Variants in BTBD7 observed in about 807,000 individuals in gnomAD.
The protein encoded by BTBD7 is BTB/POZ domain-containing protein 7.
In BTBD7, 38 loss-of-function variants were observed where a neutral mutation model predicts 99.9. That is an observed-to-expected ratio of 0.38 (90% CI 0.29 to 0.50). BTBD7 has a LOEUF of 0.50. Ranked by LOEUF, BTBD7 falls within the 20% of genes least tolerant of loss-of-function variation. BTBD7 has a pLI of 0.93. For missense variants in BTBD7, 1,170 were observed against 1,394.6 expected, an observed-to-expected ratio of 0.84 and a Z score of 2.57; for synonymous variants, 520 against 511.4, an observed-to-expected ratio of 1.02 and a Z score of -0.23.
chr14:93,320,692 G>A (rs1235369906), intron 1 of BTBD7, among the ~76,000 whole-genome samples: 3 of 152,042 alleles, frequency 2.0e-5, no homozygotes, highest in African/African-American at 7.2e-5. Context: ...TGAACACAAT[G>A]TGCATGCCTT....
intron 8 of BTBD7, among the ~76,000 whole-genome samples, chr14:93,249,492 A>C (rs2052348500): frequency 6.6e-6 from 1 of 152,224 alleles, no homozygotes; most frequent in South Asian, 2.1e-4. Flanking sequence ...TCACTTTTGC[A>C]GGAGGATGAC....
intron 5 of BTBD7, 106 bp downstream of exon 5, chr14:93,261,496 A>G: frequency 1.1e-6 from 1 of 875,884 alleles, no homozygotes; most frequent in Non-Finnish European, 1.9e-6. Context: ...CATTTTCACC[A>G]GGCAACAGTG....
intron 8 of BTBD7, among the ~76,000 whole-genome samples, chr14:93,250,769 A>G (rs1465283061): frequency 1.3e-5 from 2 of 152,216 alleles, no homozygotes; most frequent in East Asian, 3.8e-4. Flanking sequence ...TCGATAGCCA[A>G]TTCCCCTAAA....
chr14:93,296,033 T>G lies in BTBD7; in HGVS notation c.19A>C (p.Asn7His), dbSNP rs748076410. The change falls in exon 2 of 11, where the codon AAT becomes CAT. Residue 7 changes from asparagine to histidine, a missense_variant. By Grantham distance (68) the Asn-to-His change is moderately conservative. Transcript: ENST00000334746. Reference protein sequence around the residue: MGANASNYPHSCSPRVG... With the variant: MGANASHYPHSCSPRVG... ...CTCGGGGAACATGAATGAGGATAATTAGATGCATTAGCACCCATTTTCTTC... is the reference window on the plus strand; with the variant it reads ...CTCGGGGAACATGAATGAGGATAATGAGATGCATTAGCACCCATTTTCTTC... 1 of 1,614,008 alleles carries G rather than the reference T, an allele frequency of 6.2e-7. No homozygotes were observed. The highest frequency in any genetic ancestry group is 1.3e-5 in the African/African-American group (1 of 75,028).
chr14:93,251,445 C>A lies in BTBD7; in HGVS notation c.1942+18G>T. The A allele has an allele frequency of 6.4e-7, 1 of 1,564,844 alleles. No individual in the cohort carries two copies. The highest frequency in any genetic ancestry group is 8.7e-7 in the Non-Finnish European group (1 of 1,146,698). Reference sequence around the variant, plus strand: ...TAAATTATTCATTTAAATATAAACACCCAACATACTGCCTTACCTGGAATT... The same window carrying A: ...TAAATTATTCATTTAAATATAAACAACCAACATACTGCCTTACCTGGAATT... On this transcript the variant is annotated intron_variant, in intron 8 of 10. Coordinates refer to ENST00000334746, the MANE Select transcript of BTBD7 (RefSeq NM_001002860.4).
At chr14:93,308,805 T>C (rs1435121740) in intron 1 of BTBD7, among the ~76,000 whole-genome samples, 2 of 152,160 alleles carry the variant, frequency 1.3e-5, no homozygotes, top group East Asian at 1.9e-4. Context: ...ATCAAATTCA[T>C]AGAGACAGAA....
At chr14:93,331,356 C>G (rs1366225993) in intron 1 of BTBD7, among the ~76,000 whole-genome samples, 3 of 152,192 alleles carry the variant, frequency 2.0e-5, no homozygotes, top group Non-Finnish European at 2.9e-5. Context: ...GGATCCACAA[C>G]AAGTCACTCG....
chr14:93,309,673 C>T (rs1043804094), intron 1 of BTBD7, among the ~76,000 whole-genome samples: 53 of 152,176 alleles, frequency 3.5e-4, no homozygotes, highest in African/African-American at 1.3e-3. Flanking sequence ...GGTAAAGGGA[C>T]AGATCTTAAT....
At chr14:93,316,972 TAA>T (rs1398103116) in intron 1 of BTBD7, among the ~76,000 whole-genome samples, 4 of 152,214 alleles carry the variant, frequency 2.6e-5, no homozygotes, top group Non-Finnish European at 4.4e-5. Flanking sequence ...GTGAAAAGGC[TAA>T]GAGTCCTGTA....
chr14:93,305,962 C>T (rs1344098245), intron 1 of BTBD7, among the ~76,000 whole-genome samples: 1 of 152,152 alleles, frequency 6.6e-6, no homozygotes, highest in Non-Finnish European at 1.5e-5. Context: ...GTGGCCCCAC[C>T]CTGATGATTT....
At chr14:93,327,087 G>C (rs1013642568) in intron 1 of BTBD7, among the ~76,000 whole-genome samples, 4 of 152,220 alleles carry the variant, frequency 2.6e-5, no homozygotes, top group Non-Finnish European at 5.9e-5. Flanking sequence ...CTGGAGCCCA[G>C]GAGGCCAAGG....
Position 93,296,067 on chromosome 14 carries a change from A to G in BTBD7, c.-16T>C. ...TAGCACCCATTTTCTTCAGTCACTCAGGCATTCCGTCTGCGGGTTCTTCAG... is the reference window on the plus strand; with the variant it reads ...TAGCACCCATTTTCTTCAGTCACTCGGGCATTCCGTCTGCGGGTTCTTCAG... On this transcript the variant is annotated 5_prime_UTR_variant, in exon 2 of 11. Transcript: ENST00000334746. 1.2e-6 allele frequency: 2 copies of G among 1,612,560 alleles called. No homozygotes were observed. Among genetic ancestry groups the G allele is most frequent in the Non-Finnish European group, 8.5e-7 (1 of 1,179,350 alleles).
chr14:93,239,841 A>ATG lies in BTBD7; in HGVS notation c.*2430_*2431dup, dbSNP rs1343633674. The ATG allele has an allele frequency of 6.6e-6, 1 of 152,468 alleles. No individual in the cohort carries two copies. Among genetic ancestry groups the ATG allele is most frequent in the Non-Finnish European group, 1.5e-5 (1 of 68,022 alleles). The allele number at this position is 152,468 out of a possible 1,614,324, so 9.4% of individuals were successfully genotyped here. On this transcript the variant is annotated 3_prime_UTR_variant, in exon 11 of 11. Transcript: ENST00000334746. ...AGTTCATGAATTTTCAGAAAAATGA[A>ATG]TGTGTGGGATCAACAGCTCTGGTCT... is the stretch of plus-strand genomic sequence containing the variant.
rs74714440 is a variant in BTBD7, at chr14:93,239,341, C to T, written c.*2932G>A. On this transcript the variant is annotated 3_prime_UTR_variant, in exon 11 of 11. Transcript: ENST00000334746. ...GATTGTCCAAAGGCCTGATTGTCCACGATCTCAAAAGGAGATCTGGTATTT... is the reference window on the plus strand; with the variant it reads ...GATTGTCCAAAGGCCTGATTGTCCATGATCTCAAAAGGAGATCTGGTATTT... 0.02 allele frequency: 3,027 copies of T among 152,546 alleles called. 54 individuals carry two copies. Among genetic ancestry groups the T allele is most frequent in the South Asian group, 0.077 (370 of 4,822 alleles). 9.4% of individuals were successfully genotyped at this position (152,546 alleles called of 1,614,324 possible). A position where few individuals can be genotyped will look rare whatever the true frequency, so the allele number is the denominator to read the frequency against.
intron 1 of BTBD7, among the ~76,000 whole-genome samples, chr14:93,318,750 C>T (rs2053236801): frequency 1.3e-5 from 2 of 152,120 alleles, no homozygotes; most frequent in Non-Finnish European, 2.9e-5. Flanking sequence ...TATATGCTAC[C>T]AGAAAGTTTG....
chr14:93,253,817 G>A, intron 6 of BTBD7, 27 bp from the exon 7 acceptor site: 1 of 1,459,664 alleles, frequency 6.9e-7, no homozygotes, highest in Non-Finnish European at 9.4e-7. Context: ...TTTTTAGATA[G>A]AAATCTGTGT....
intron 3 of BTBD7, among the ~76,000 whole-genome samples, chr14:93,264,456 T>C (rs1180123431): frequency 6.6e-6 from 1 of 152,162 alleles, no homozygotes; most frequent in Non-Finnish European, 1.5e-5. Context: ...TATGAAAACA[T>C]AGCACCTTGC....
In BTBD7 at chr14:93,239,633, C is replaced by G. The variant is rs1365519468; in HGVS notation, c.*2640G>C. ...ACACCTAACCTAACGCACACAAAAC[C>G]CACGCCTGTTTACCTTCTGCAAGTC... On this transcript the variant is annotated 3_prime_UTR_variant, in exon 11 of 11. Coordinates refer to ENST00000334746, the MANE Select transcript of BTBD7 (RefSeq NM_001002860.4). 1 of 152,406 alleles carries G rather than the reference C, an allele frequency of 6.6e-6. No individual in the cohort carries two copies. The highest frequency in any genetic ancestry group is 2.1e-4 in the South Asian group (1 of 4,814). The allele number at this position is 152,406 out of a possible 1,614,324, so 9.4% of individuals were successfully genotyped here.
At chr14:93,324,421 C>CAA (rs768532376) in intron 1 of BTBD7, among the ~76,000 whole-genome samples, 35 of 89,954 alleles carry the variant, frequency 3.9e-4, no homozygotes, top group African/African-American at 2.0e-3. Context: ...GACCCTGTCT[C>CAA]AAAAAAAAAA....
Sources: gnomAD v4.1 joint callset for allele counts (sites outside exome capture counted in the v4.1 genomes callset) on GRCh38, gnomAD v4.1.1 for gene constraint, MANE v1.5 for transcripts, NCBI Gene and HGNC (gene_info 2026-07-23, HGNC 2026-07-21) for gene names.